Variants in ZFAT observed in about 807,000 individuals in gnomAD.
ZFAT encodes the protein zinc finger and AT-hook domain containing, also known as zinc finger protein ZFAT.
ZFAT carries 64 observed loss-of-function variants against 117.7 expected under a neutral mutation model. The ratio of observed to expected loss-of-function variants is 0.54; its 90% CI spans 0.44 to 0.67. The LOEUF (loss-of-function observed/expected upper bound fraction) is 0.67, where lower values mean the gene tolerates loss of function less well. Ranked by LOEUF, ZFAT falls within the 30% of genes least tolerant of loss-of-function variation. The probability of loss-of-function intolerance (pLI) is 0.00; values close to 1 mark genes in which losing one functional copy is unlikely to be tolerated. For missense variants in ZFAT, 1,433 were observed against 1,584.5 expected (o/e 0.90, Z 1.62); for synonymous variants, 679 against 615.0 (o/e 1.10, Z -1.54).
intron 3 of ZFAT, among the ~76,000 whole-genome samples, chr8:134,625,540 T>C (rs1450878177): frequency 1.3e-5 from 2 of 152,144 alleles, no homozygotes; most frequent in South Asian, 2.1e-4. Context: ...CTCACCACAT[T>C]TGGTTGTCTA....
intron 7 of ZFAT, among the ~76,000 whole-genome samples, chr8:134,595,176 A>T (rs1354408325): frequency 6.6e-6 from 1 of 152,230 alleles, no homozygotes; most frequent in Non-Finnish European, 1.5e-5. Flanking sequence ...ATGCACACAC[A>T]CTGACAGATA....
chr8:134,645,881 T>G (rs537008617), intron 2 of ZFAT, among the ~76,000 whole-genome samples: 13 of 152,204 alleles, frequency 8.5e-5, no homozygotes, highest in Admixed American at 4.6e-4. Flanking sequence ...AGACAACATT[T>G]TAGGCCATAA....
chr8:134,544,191 C>T (rs1176644102), intron 11 of ZFAT, among the ~76,000 whole-genome samples: 1 of 152,182 alleles, frequency 6.6e-6, no homozygotes, highest in African/African-American at 2.4e-5. Flanking sequence ...GGTGTAACTG[C>T]CACCTGCCTC....
chr8:134,546,391 T>C (rs1380288603), intron 11 of ZFAT, among the ~76,000 whole-genome samples: 1 of 152,180 alleles, frequency 6.6e-6, no homozygotes, highest in Non-Finnish European at 1.5e-5. Flanking sequence ...ATGAAGTTTT[T>C]TTCATTAATG....
chr8:134,825,689 C>G, the ZFAT span, among the ~76,000 whole-genome samples: 4 of 152,282 alleles, frequency 2.6e-5, no homozygotes, highest in Admixed American at 2.6e-4. Context: ...ATCATTTGAC[C>G]AATATGTGTA....
At chr8:134,504,028 G>C (rs1013333698) in intron 15 of ZFAT, among the ~76,000 whole-genome samples, 4 of 152,172 alleles carry the variant, frequency 2.6e-5, no homozygotes, top group Admixed American at 2.6e-4. Context: ...TCTCAGTAAA[G>C]CAGGAATGGT....
At chr8:134,633,420 C>T (rs1830015572) in intron 3 of ZFAT, among the ~76,000 whole-genome samples, 1 of 152,154 alleles carries the variant, frequency 6.6e-6, no homozygotes, top group Admixed American at 6.5e-5. Flanking sequence ...AATAATAAAT[C>T]TGAAATGCAT....
At chr8:134,641,867 T>C (rs1284271900) in intron 2 of ZFAT, among the ~76,000 whole-genome samples, 1 of 152,216 alleles carries the variant, frequency 6.6e-6, no homozygotes, top group Non-Finnish European at 1.5e-5. Context: ...AAAATCATCC[T>C]TGCAGATCCA....
At chr8:134,814,784 A>C in the ZFAT span, among the ~76,000 whole-genome samples, 2 of 152,212 alleles carry the variant, frequency 1.3e-5, no homozygotes, top group African/African-American at 4.8e-5. Context: ...ACTGTTTGAC[A>C]CATCCCAATA....
intron 3 of ZFAT, among the ~76,000 whole-genome samples, chr8:134,616,305 A>T (rs1017413139): frequency 1.3e-5 from 2 of 152,202 alleles, no homozygotes; most frequent in Non-Finnish European, 2.9e-5. Flanking sequence ...AGACACTTTA[A>T]CAACAGCCTT....
At chr8:134,819,995 T>C in the ZFAT span, among the ~76,000 whole-genome samples, 1 of 152,308 alleles carries the variant, frequency 6.6e-6, no homozygotes, top group South Asian at 2.1e-4. Flanking sequence ...AAAATTCACA[T>C]AGAATCTAGG....
chr8:134,490,686 A>C (rs1817989009), intron 15 of ZFAT, among the ~76,000 whole-genome samples: 1 of 152,156 alleles, frequency 6.6e-6, no homozygotes, highest in African/African-American at 2.4e-5. Context: ...CTGCTCCAAG[A>C]CCATCAGGCT....
At chr8:134,582,119 C>A (rs1260247560) in intron 10 of ZFAT, among the ~76,000 whole-genome samples, 2 of 152,154 alleles carry the variant, frequency 1.3e-5, no homozygotes, top group Non-Finnish European at 2.9e-5. Flanking sequence ...CCTTTCCTGC[C>A]GAAGAACTCA....
At chr8:134,811,840 C>T in the ZFAT span, among the ~76,000 whole-genome samples, 4 of 152,186 alleles carry the variant, frequency 2.6e-5, no homozygotes, top group African/African-American at 9.7e-5. Context: ...TTTTCTGTGG[C>T]TATTTGCCAT....
intron 10 of ZFAT, among the ~76,000 whole-genome samples, chr8:134,579,768 T>C (rs1057081972): frequency 6.6e-6 from 1 of 151,754 alleles, no homozygotes; most frequent in Non-Finnish European, 1.5e-5. Flanking sequence ...CTGGCCAACA[T>C]GGCGAAACCC....
At chr8:134,817,692 C>T in the ZFAT span, among the ~76,000 whole-genome samples, 1 of 152,018 alleles carries the variant, frequency 6.6e-6, no homozygotes, top group African/African-American at 2.4e-5. Context: ...AAAAAACTGA[C>T]ACTTATTCTA....
the ZFAT span, among the ~76,000 whole-genome samples, chr8:134,825,826 C>T: frequency 2.0e-5 from 3 of 152,130 alleles, no homozygotes. Context: ...CAAGACTATC[C>T]TGGCTAACAT....
chr8:134,665,342 A>G (rs1348527931), intron 1 of ZFAT, among the ~76,000 whole-genome samples: 2 of 152,144 alleles, frequency 1.3e-5, no homozygotes, highest in Non-Finnish European at 2.9e-5. Context: ...AGGGGTGATG[A>G]GGGTCAGTTG....
the ZFAT span, among the ~76,000 whole-genome samples, chr8:134,825,435 T>C: frequency 6.6e-6 from 1 of 152,246 alleles, no homozygotes; most frequent in Admixed American, 6.5e-5. Context: ...ATCTGCTTTA[T>C]AATTAACAGA....
Sources: gnomAD v4.1 joint callset for allele counts (sites outside exome capture counted in the v4.1 genomes callset) on GRCh38, gnomAD v4.1.1 for gene constraint, MANE v1.5 for transcripts, NCBI Gene and HGNC (gene_info 2026-07-23, HGNC 2026-07-21) for gene names.